The following ARMH1 variants were observed in gnomAD, a reference collection of about 807,000 sequenced individuals.
ARMH1 encodes armadillo like helical domain containing 1.
In ARMH1, 34 loss-of-function variants were observed where a neutral mutation model predicts 50.2. The ratio of observed to expected loss-of-function variants is 0.68; its 90% confidence interval spans 0.51 to 0.90. ARMH1 has a LOEUF of 0.90. Ranked by LOEUF, ARMH1 falls within the 40% of genes least tolerant of loss-of-function variation. ARMH1 has a pLI of 0.00. For missense variants in ARMH1, 538 were observed against 553.9 expected (o/e 0.97, Z 0.29); for synonymous variants, 221 against 224.2 (o/e 0.99, Z 0.13).
chr1:44,710,837 C>T (rs954096604), intron 6 of ARMH1, among the ~76,000 whole-genome samples: 10 of 152,116 alleles, frequency 6.6e-5, no homozygotes, highest in African/African-American at 9.7e-5. Flanking sequence ...CTGAATTCAG[C>T]GAGCAGCTAT....
chr1:44,684,260 A>G (rs1645398710), intron 1 of ARMH1: 1 of 152,188 alleles, frequency 6.6e-6, no homozygotes. Context: ...TAAAAATGGT[A>G]GTTAATGGGT....
At chr1:44,709,677 A>C (rs996533589) in intron 6 of ARMH1, among the ~76,000 whole-genome samples, 3 of 151,670 alleles carry the variant, frequency 2.0e-5, no homozygotes, top group Non-Finnish European at 4.4e-5. Flanking sequence ...TCTCAGAAAA[A>C]AAAAAAAAAA....
At chr1:44,697,005 G>A in intron 2 of ARMH1, 97 bp from the exon 3 acceptor site, 1 of 853,588 alleles carries the variant, frequency 1.2e-6, no homozygotes, top group Non-Finnish European at 1.9e-6. Context: ...CAGCTACTTG[G>A]CCACCCTGGG....
intron 6 of ARMH1, among the ~76,000 whole-genome samples, chr1:44,705,300 G>A (rs1002085297): frequency 7.9e-5 from 12 of 151,970 alleles, no homozygotes; most frequent in African/African-American, 2.4e-4. Context: ...AGACCAGCCC[G>A]GCCAACACAG....
intron 1 of ARMH1, among the ~76,000 whole-genome samples, chr1:44,679,195 G>A (rs1645230336): frequency 6.6e-6 from 1 of 152,164 alleles, no homozygotes; most frequent in African/African-American, 2.4e-5. Flanking sequence ...TTTTCTCTCT[G>A]AGGTAAAATA....
chr1:44,687,708 G>C (rs562039139), intron 1 of ARMH1, among the ~76,000 whole-genome samples: 1 of 152,054 alleles, frequency 6.6e-6, no homozygotes, highest in South Asian at 2.1e-4. Flanking sequence ...CATCTCCCAC[G>C]GTACCTTATA....
intron 6 of ARMH1, among the ~76,000 whole-genome samples, chr1:44,712,010 C>T (rs1244953972): frequency 2.6e-5 from 4 of 152,190 alleles, no homozygotes; most frequent in East Asian, 1.9e-4. Context: ...CTGCCTCCTG[C>T]GCCCATCCCC....
Position 44,724,589 on chromosome 1 carries a change from G to A in ARMH1, c.971G>A (p.Arg324His), listed in dbSNP as rs866462582. Reference sequence around the variant, plus strand: ...ATCGCCGAGGAGCTGCTGTACCTGCGCGTGGTGCGTGGCCTAATGGCCGCC... The same window carrying A: ...ATCGCCGAGGAGCTGCTGTACCTGCACGTGGTGCGTGGCCTAATGGCCGCC... ...MSIAEELLYL[R>H]VVRGLMAAMG... Residue 324 changes from arginine (R) to histidine (H), a missense_variant, in exon 9 of 12, where the codon CGC (arginine) becomes CAC (histidine). Transcript: ENST00000535358. The surrounding 1 kb of genome is among the most constrained non-coding windows in gnomAD (Gnocchi z 6.4). The A allele has an allele frequency of 3.3e-6, 5 of 1,518,286 alleles. No individual in the cohort carries two copies. The highest frequency in any genetic ancestry group is 3.5e-6 in the Non-Finnish European group (4 of 1,135,760). The allele number at this position is 1,518,286 out of a possible 1,614,324, so 94.1% of individuals were successfully genotyped here.
At chr1:44,712,944 G>A (rs1471379345) in intron 6 of ARMH1, among the ~76,000 whole-genome samples, 2 of 151,694 alleles carry the variant, frequency 1.3e-5, no homozygotes, top group Non-Finnish European at 2.9e-5. Flanking sequence ...GATTACAGGC[G>A]TGAGCCACTG....
intron 6 of ARMH1, among the ~76,000 whole-genome samples, chr1:44,720,370 G>C (rs1406240895): frequency 6.6e-6 from 1 of 152,142 alleles, no homozygotes; most frequent in East Asian, 1.9e-4. Flanking sequence ...CCACCAGGCT[G>C]GTGGTTTCTA....
chr1:44,711,507 T>C (rs1646613082), intron 6 of ARMH1, among the ~76,000 whole-genome samples: 1 of 152,218 alleles, frequency 6.6e-6, no homozygotes, highest in South Asian at 2.1e-4. Flanking sequence ...AGGTCCTTTT[T>C]CCATTTTAAA....
chr1:44,695,179 G>C (rs1327603677), intron 2 of ARMH1, among the ~76,000 whole-genome samples: 1 of 152,188 alleles, frequency 6.6e-6, no homozygotes, highest in Non-Finnish European at 1.5e-5. Flanking sequence ...TCAAATCCCG[G>C]TTCCAGCAGT....
intron 6 of ARMH1, among the ~76,000 whole-genome samples, chr1:44,721,513 TAA>T (rs566172951): frequency 4.7e-5 from 7 of 149,018 alleles, no homozygotes; most frequent in South Asian, 2.1e-4. Flanking sequence ...GGTTTTCTTT[TAA>T]AAAAAAAAAT....
At chr1:44,715,209 G>T (rs1401469106) in intron 6 of ARMH1, among the ~76,000 whole-genome samples, 1 of 152,202 alleles carries the variant, frequency 6.6e-6, no homozygotes, top group Admixed American at 6.5e-5. Flanking sequence ...GGTTTTGCAA[G>T]GCTCTGGGAT....
rs545278454 is a variant in ARMH1, at chr1:44,709,555, C to T, written c.724+5382C>T. On this transcript the variant is annotated intron_variant, in intron 6 of 11. Transcript: ENST00000535358. ...GGCGTAGTGGCATGCGCCTGTAGTC[C>T]CACCTACACGGGAGGCTGAGGCAGG... Among the ~76,000 whole-genome samples the T allele has an allele frequency of 4.1e-4, 63 of 152,078 alleles. 2 individuals carry two copies. Among genetic ancestry groups the T allele is most frequent in the Middle Eastern group, 3.4e-3 (1 of 294 alleles).
chr1:44,684,933 G>A (rs1573298448), intron 1 of ARMH1, among the ~76,000 whole-genome samples: 1 of 152,174 alleles, frequency 6.6e-6, no homozygotes, highest in East Asian at 1.9e-4. Context: ...ATGCCATGGC[G>A]AGGTGTCTGT....
At position 44,677,455 on chromosome 1, in the gene ARMH1, G is replaced by A. The variant is rs138274462; in HGVS notation, c.-23+2582G>A. ...GGCAAAACAGTGATTGAAATGAAGG[G>A]CCTTAGTATCTAAACTGGATAGGAG... On this transcript the variant is annotated intron_variant, in intron 1 of 11. Coordinates refer to ENST00000535358, the MANE Select transcript of ARMH1 (RefSeq NM_001145636.2). 1.1e-3 allele frequency among the ~76,000 whole-genome samples: 163 copies of A among 152,232 alleles called. 1 individual carries two copies. The highest frequency in any genetic ancestry group is 6.8e-3 in the Middle Eastern group (2 of 294).
chr1:44,714,019 T>TG (rs1646734743), intron 6 of ARMH1, among the ~76,000 whole-genome samples: 1 of 152,180 alleles, frequency 6.6e-6, no homozygotes, highest in African/African-American at 2.4e-5. Flanking sequence ...GGCTCACGCA[T>TG]GTACCCAGCA....
chr1:44,718,666 C>T (rs1207047769), intron 6 of ARMH1, among the ~76,000 whole-genome samples: 2 of 152,120 alleles, frequency 1.3e-5, no homozygotes, highest in East Asian at 1.9e-4. Flanking sequence ...GATGGGATTG[C>T]GAGGGCTACC....
Sources: allele counts gnomAD v4.1 joint callset (sites outside exome capture counted in the v4.1 genomes callset), GRCh38; gene constraint gnomAD v4.1.1; non-coding constraint Gnocchi (gnomAD v3.1); transcripts MANE v1.5; gene names NCBI Gene and HGNC (gene_info 2026-07-23, HGNC 2026-07-21).